The following HELZ variants were observed in gnomAD, a reference collection of about 807,000 sequenced individuals.
The protein encoded by HELZ is ATP-dependent RNA helicase with zinc finger domain.
A neutral mutation model predicts 218.2 loss-of-function variants in HELZ; 23 were observed. The observed-to-expected ratio is 0.11, with a 90% confidence interval of 0.08 to 0.15. HELZ has a LOEUF of 0.15. Among genes scored for constraint, HELZ ranks in the 10% least tolerant of loss-of-function variants. The pLI is 1.00. For missense variants in HELZ, 1,813 were observed against 2,353.7 expected (o/e 0.77, Z 4.75); for synonymous variants, 814 against 829.4 (o/e 0.98, Z 0.32).
intron 31 of HELZ, among the ~76,000 whole-genome samples, chr17:67,104,713 A>AT (rs996605307): frequency 6.6e-6 from 1 of 152,132 alleles, no homozygotes; most frequent in African/African-American, 2.4e-5. Context: ...AAAAATAACC[A>AT]TTTTTTTAAA....
At chr17:67,102,871 GA>G (rs1224713110) in intron 31 of HELZ, among the ~76,000 whole-genome samples, 2 of 152,108 alleles carry the variant, frequency 1.3e-5, no homozygotes, top group Admixed American at 1.3e-4. Context: ...CACTGACAAT[GA>G]AAGGTACTTA....
upstream of HELZ, chr17:67,245,275 C>T: frequency 1.1e-6 from 1 of 948,280 alleles, no homozygotes; most frequent in Non-Finnish European, 1.3e-6. Context: ...CCGGCGCCGC[C>T]CCCTCCGGCC....
chr17:67,096,524 G>T (rs1229108062), intron 31 of HELZ, among the ~76,000 whole-genome samples: 2 of 152,208 alleles, frequency 1.3e-5, no homozygotes, highest in Non-Finnish European at 2.9e-5. Context: ...ATCTTAGCTA[G>T]ATCTTCTGGG....
intron 26 of HELZ, among the ~76,000 whole-genome samples, chr17:67,122,705 T>C (rs1459983924): frequency 1.3e-5 from 2 of 151,382 alleles, no homozygotes; most frequent in African/African-American, 4.9e-5. Flanking sequence ...CAAAACTCTA[T>C]CTCAAAAAAA....
chr17:67,105,665 T>C (rs780658650), intron 31 of HELZ, among the ~76,000 whole-genome samples: 8 of 152,236 alleles, frequency 5.3e-5, no homozygotes, highest in Admixed American at 1.3e-4. Flanking sequence ...ATTACATTAC[T>C]GATCAGTTGT....
Position 67,107,347 on chromosome 17 carries a change from A to C in HELZ, c.5063T>G (p.Leu1688Trp), listed in dbSNP as rs1337837592. 1 of 1,614,204 alleles carries C rather than the reference A, an allele frequency of 6.2e-7. No individual in the cohort carries two copies. The highest frequency in any genetic ancestry group is 8.5e-7 in the Non-Finnish European group (1 of 1,180,042). ...APDGAWTFANLQQNHLMGPGF... is the reference protein window; with the variant it reads ...APDGAWTFANWQQNHLMGPGF... ...TGGCCCCATTAGGTGATTCTGTTGCAAGTTAGCAAAAGTCCATGCTCCATC... is the reference window on the plus strand; with the variant it reads ...TGGCCCCATTAGGTGATTCTGTTGCCAGTTAGCAAAAGTCCATGCTCCATC... The change falls in exon 31 of 33, where the codon TTG becomes TGG. Residue 1688 changes from leucine (L) to tryptophan (W), a missense_variant. By Grantham distance (61) the Leu-to-Trp change is moderately conservative. This residue lies in a region of HELZ where 938 missense variants were observed against 1,027.5 expected (regional missense o/e 0.91). Coordinates refer to ENST00000358691, the MANE Select transcript of HELZ (RefSeq NM_014877.4).
At chr17:67,150,266 A>C (rs2038642677) in intron 18 of HELZ, 2 of 246,704 alleles carry the variant, frequency 8.1e-6, no homozygotes, top group Non-Finnish European at 7.7e-6. Flanking sequence ...AGTAGCTGAG[A>C]CTACGGGCAT....
intron 20 of HELZ, among the ~76,000 whole-genome samples, chr17:67,147,651 T>TG (rs1213842467): frequency 6.7e-6 from 1 of 149,750 alleles, no homozygotes; most frequent in African/African-American, 2.4e-5. Context: ...CTAATTTTTT[T>TG]TTTTTTTTTT....
At chr17:67,131,834 C>T (rs547469339) in intron 23 of HELZ, among the ~76,000 whole-genome samples, 1 of 152,030 alleles carries the variant, frequency 6.6e-6, no homozygotes, top group Non-Finnish European at 1.5e-5. Context: ...AAAATTTTTC[C>T]TTTTTTCTCT....
rs1213598530 is a variant in HELZ, at chr17:67,072,395, C to T, written c.*5857G>A. ...TAAGGATTATCTGTGGTTTTCGATGCTCCATGTCACTGCCATCTTAGGACA... is the reference window on the plus strand; with the variant it reads ...TAAGGATTATCTGTGGTTTTCGATGTTCCATGTCACTGCCATCTTAGGACA... On this transcript the variant is annotated 3_prime_UTR_variant, in exon 33 of 33. Coordinates refer to ENST00000358691, the MANE Select transcript of HELZ (RefSeq NM_014877.4). The T allele has an allele frequency of 1.3e-5, 2 of 152,628 alleles. No homozygotes were observed. Among genetic ancestry groups the T allele is most frequent in the Non-Finnish European group, 2.9e-5 (2 of 68,044 alleles). 9.5% of individuals were successfully genotyped at this position (152,628 alleles called of 1,614,324 possible). A position where few individuals can be genotyped will look rare whatever the true frequency, so the allele number is the denominator to read the frequency against.
At chr17:67,130,381 T>C (rs1255215474) in intron 23 of HELZ, among the ~76,000 whole-genome samples, 1 of 151,926 alleles carries the variant, frequency 6.6e-6, no homozygotes, top group Admixed American at 6.6e-5. Flanking sequence ...AATGAATAAA[T>C]AAAAAATAAG....
upstream of HELZ, chr17:67,245,527 T>C (rs1272612158): frequency 3.0e-6 from 3 of 984,910 alleles, no homozygotes; most frequent in South Asian, 4.7e-5. Context: ...CGAGGTTTCC[T>C]TGCCGCCCGC....
Position 67,188,363 on chromosome 17 carries a change from G to C in HELZ, c.1118C>G (p.Pro373Arg). Residue 373 changes from proline to arginine, a missense_variant, in exon 12 of 33, where the codon CCA becomes CGA. By Grantham distance (103) the Pro-to-Arg change is moderately radical. Coordinates refer to ENST00000358691, the MANE Select transcript of HELZ (RefSeq NM_014877.4). The surrounding 1 kb of genome is among the most constrained non-coding windows in gnomAD (Gnocchi z 4.1). ...QTIVFDFGLE[P>R]VLMQRVMIDA... Reference sequence around the variant, plus strand: ...AATCATTACTCTTTGCATGAGTACTGGTTCCAATCCAAAGTCGAAAACTAT... The same window carrying C: ...AATCATTACTCTTTGCATGAGTACTCGTTCCAATCCAAAGTCGAAAACTAT... 1 of 1,613,768 alleles carries C rather than the reference G, an allele frequency of 6.2e-7. No individual in the cohort carries two copies. Among genetic ancestry groups the C allele is most frequent in the Non-Finnish European group, 8.5e-7 (1 of 1,179,752 alleles).
Position 67,108,361 on chromosome 17 carries a change from C to T in HELZ, c.4724+131G>A, listed in dbSNP as rs2037171038. On this transcript the variant is annotated intron_variant, in intron 30 of 32. Coordinates refer to ENST00000358691, the MANE Select transcript of HELZ (RefSeq NM_014877.4). The surrounding 1 kb of genome is among the most constrained non-coding windows in gnomAD (Gnocchi z 4.1). ...TAGAGTCAACAAGAGAACTGTGTAG[C>T]GTGTGCTTGGAAGGCCAGCATCCAA... 1.5e-6 allele frequency: 1 copy of T among 677,020 alleles called. No homozygotes were observed. Among genetic ancestry groups the T allele is most frequent in the Non-Finnish European group, 2.6e-6 (1 of 382,164 alleles). The allele number at this position is 677,020 out of a possible 1,614,324, so 41.9% of individuals were successfully genotyped here.
chr17:67,201,268 T>G, intron 6 of HELZ, 83 bp from the exon 7 acceptor site: 1 of 852,688 alleles, frequency 1.2e-6, no homozygotes, highest in Non-Finnish European at 1.9e-6. Flanking sequence ...CCTCTGTTGT[T>G]TCTGAGTTTA....
chr17:67,126,154 C>G (rs2037788871), intron 24 of HELZ, among the ~76,000 whole-genome samples: 1 of 152,148 alleles, frequency 6.6e-6, no homozygotes, highest in African/African-American at 2.4e-5. Flanking sequence ...GCAAAGAAAC[C>G]AACCAAGCCA....
At chr17:67,121,519 C>G (rs923955765) in intron 26 of HELZ, among the ~76,000 whole-genome samples, 1 of 152,152 alleles carries the variant, frequency 6.6e-6, no homozygotes. Context: ...TGTGAACTAT[C>G]CTGACCAACG....
At chr17:67,083,889 C>A (rs999451109) in intron 32 of HELZ, among the ~76,000 whole-genome samples, 1 of 152,154 alleles carries the variant, frequency 6.6e-6, no homozygotes. Flanking sequence ...AGTGTCAAAA[C>A]GGGAAATTCA....
At chr17:67,227,174 T>C (rs568203854) in intron 3 of HELZ, among the ~76,000 whole-genome samples, 1 of 151,938 alleles carries the variant, frequency 6.6e-6, no homozygotes, top group South Asian at 2.1e-4. Context: ...TTTTAAAATA[T>C]GACCTAAATG....
Sources: gnomAD v4.1 joint callset for allele counts (sites outside exome capture counted in the v4.1 genomes callset) on GRCh38, gnomAD v4.1.1 for gene constraint, gnomAD v4.1.1 regional missense constraint, Gnocchi (gnomAD v3.1) non-coding constraint, MANE v1.5 for transcripts, NCBI Gene and HGNC (gene_info 2026-07-23, HGNC 2026-07-21) for gene names.